MYO3A: variants seen among roughly 807,000 people sequenced by gnomAD.
MYO3A encodes myosin IIIA, also known as myosin-IIIa.
In MYO3A, 180 loss-of-function variants were observed where a neutral mutation model predicts 192.7. That is an observed-to-expected ratio of 0.93 (90% CI 0.83 to 1.06). MYO3A has a LOEUF of 1.06. MYO3A is among the 50% of genes least tolerant of loss of function. The pLI, the probability that MYO3A is intolerant of heterozygous loss-of-function variation, is 0.00. For missense variants in MYO3A, 1,896 were observed against 1,905.0 expected, an observed-to-expected ratio of 1.00 and a Z score of 0.09; for synonymous variants, 628 against 645.3, an observed-to-expected ratio of 0.97 and a Z score of 0.41.
chr10:26,049,647 G>A (rs550573301), intron 10 of MYO3A, among the ~76,000 whole-genome samples: 1 of 143,898 alleles, frequency 6.9e-6, no homozygotes, highest in African/African-American at 2.6e-5. Context: ...ATGCAAAGAT[G>A]AAATTCTTTC....
intron 6 of MYO3A, among the ~76,000 whole-genome samples, chr10:26,015,151 G>A (rs117907906): frequency 6.6e-6 from 1 of 152,222 alleles, no homozygotes; most frequent in Non-Finnish European, 1.5e-5. Flanking sequence ...TAATGTTCCT[G>A]TGGCTTTGAC....
chr10:26,193,172 T>G (rs1201162619), intron 31 of MYO3A, 33 bp from the exon 32 acceptor site: 1 of 1,438,658 alleles, frequency 7.0e-7, no homozygotes, highest in Non-Finnish European at 9.8e-7. Flanking sequence ...GTATTTGTAA[T>G]TAAATACTTG....
intron 30 of MYO3A, 73 bp downstream of exon 30, chr10:26,174,630 A>G: frequency 1.6e-6 from 2 of 1,253,004 alleles, no homozygotes; most frequent in East Asian, 4.9e-5. Flanking sequence ...TAAACACATA[A>G]TTAATAACTG....
rs201498774 is a variant in MYO3A at position 25,952,128 on chromosome 10, A to C, written c.18A>C (p.Gly6=). 23 of 1,611,458 alleles carry C rather than the reference A, an allele frequency of 1.4e-5. No homozygotes were observed. The highest frequency in any genetic ancestry group is 2.0e-5 in the Non-Finnish European group (23 of 1,178,284). ...CCTTTGAGATGTTTCCATTAATTGG[A>C]AAAACAATCATCTTTGATAACTTTC... is the stretch of plus-strand genomic sequence containing the variant. MFPLI[G]KTIIFDNFPD... The change falls in exon 3 of 35, where the codon GGA becomes GGC. Residue 6 remains glycine, a synonymous_variant. Coordinates refer to ENST00000642920, the MANE Select transcript of MYO3A (RefSeq NM_017433.5).
chr10:26,031,313 G>A (rs1293612633), intron 10 of MYO3A, among the ~76,000 whole-genome samples: 2 of 152,240 alleles, frequency 1.3e-5, no homozygotes, highest in South Asian at 2.1e-4. Flanking sequence ...CCAGCTAAAA[G>A]GCTGCCACTG....
intron 14 of MYO3A, among the ~76,000 whole-genome samples, chr10:26,078,130 C>CTT (rs57336459): frequency 8.2e-6 from 1 of 122,294 alleles, no homozygotes; most frequent in Admixed American, 8.0e-5. Flanking sequence ...TGGTCCTGGA[C>CTT]TTTTTTTTTT....
chr10:26,034,662 T>C (rs1842946668), intron 10 of MYO3A, among the ~76,000 whole-genome samples: 1 of 152,050 alleles, frequency 6.6e-6, no homozygotes, highest in African/African-American at 2.4e-5. Context: ...GTCGCTAGTC[T>C]AGAAAAAAAT....
At chr10:26,083,706 A>G (rs1836120106) in intron 14 of MYO3A, among the ~76,000 whole-genome samples, 3 of 152,186 alleles carry the variant, frequency 2.0e-5, no homozygotes. Flanking sequence ...TCAAGAAAAG[A>G]TGTTGTGGTA....
intron 4 of MYO3A, among the ~76,000 whole-genome samples, chr10:25,962,744 G>A (rs1202448901): frequency 6.6e-6 from 1 of 152,100 alleles, no homozygotes; most frequent in East Asian, 1.9e-4. Context: ...GACTCGGGTA[G>A]GATTCTTCAA....
rs567755052 is a variant in MYO3A, at chr10:26,116,682, GA to G, written c.1777-3993del. The stretch of plus-strand genomic sequence containing the variant: ...ATTCTTTGGGGACAAAGCATTTTGA[GA>G]CTTTCTCCAAAATCTAGATCCTGCA... On this transcript the variant is annotated intron_variant, in intron 17 of 34. Transcript: ENST00000642920. Among the ~76,000 whole-genome samples the G allele has an allele frequency of 7.9e-5, 12 of 152,252 alleles. No individual in the cohort carries two copies. The East Asian group carries it at 2.3e-3, about 29-fold the overall frequency.
chr10:26,057,061 A>T (rs1328012746), intron 10 of MYO3A, among the ~76,000 whole-genome samples: 1 of 152,218 alleles, frequency 6.6e-6, no homozygotes. Flanking sequence ...AATGAAATCT[A>T]AAGAGGGCAG....
At chr10:26,089,507 A>T (rs1159364854) in intron 15 of MYO3A, among the ~76,000 whole-genome samples, 1 of 151,868 alleles carries the variant, frequency 6.6e-6, no homozygotes, top group Non-Finnish European at 1.5e-5. Flanking sequence ...AGGCTGAGGG[A>T]GGAGAATGGC....
At chr10:26,196,552 C>A (rs1843415373) in intron 32 of MYO3A, among the ~76,000 whole-genome samples, 1 of 152,130 alleles carries the variant, frequency 6.6e-6, no homozygotes, top group Non-Finnish European at 1.5e-5. Context: ...TATATTATTA[C>A]AAGTGAAGAT....
intron 22 of MYO3A, among the ~76,000 whole-genome samples, chr10:26,146,740 A>G (rs951973065): frequency 6.6e-5 from 10 of 152,214 alleles, no homozygotes; most frequent in African/African-American, 2.4e-4. Context: ...TGAATTTTAG[A>G]AGAACACAAT....
chr10:25,973,173 A>G (rs1380327680), intron 4 of MYO3A, among the ~76,000 whole-genome samples: 2 of 152,142 alleles, frequency 1.3e-5, no homozygotes, highest in Non-Finnish European at 2.9e-5. Flanking sequence ...AGTGGTTTAT[A>G]GTTCTCCTTG....
At chr10:25,947,170 G>T (rs1394397875) in intron 2 of MYO3A, among the ~76,000 whole-genome samples, 1 of 151,594 alleles carries the variant, frequency 6.6e-6, no homozygotes, top group Non-Finnish European at 1.5e-5. Flanking sequence ...CAAGTTCACT[G>T]ACATTTTCTT....
At chr10:26,088,129 A>C in intron 14 of MYO3A, 74 bp from the exon 15 acceptor site, 2 of 1,224,068 alleles carry the variant, frequency 1.6e-6, no homozygotes, top group Non-Finnish European at 2.3e-6. Context: ...ATTGCTTACC[A>C]AAGAAGAGAC....
At chr10:26,207,395 C>CATGTCTA (rs991890457) in intron 34 of MYO3A, among the ~76,000 whole-genome samples, 6 of 152,142 alleles carry the variant, frequency 3.9e-5, no homozygotes, top group Non-Finnish European at 5.9e-5. Flanking sequence ...TTTGCAGTTT[C>CATGTCTA]ATGTCTAATG....
At chr10:26,019,826 G>A (rs535513232) in intron 7 of MYO3A, among the ~76,000 whole-genome samples, 1 of 152,188 alleles carries the variant, frequency 6.6e-6, no homozygotes, top group South Asian at 2.1e-4. Flanking sequence ...ATCACTTTTT[G>A]TTATTATGAG....
Sources: allele counts gnomAD v4.1 joint callset (sites outside exome capture counted in the v4.1 genomes callset), GRCh38; gene constraint gnomAD v4.1.1; transcripts MANE v1.5; gene names NCBI Gene and HGNC (gene_info 2026-07-23, HGNC 2026-07-21).